Variants in GALK2 observed in about 807,000 individuals in gnomAD.
GALK2 encodes the protein N-acetylgalactosamine kinase.
GALK2 carries 36 observed loss-of-function variants against 52.4 expected under a neutral mutation model. That is an observed-to-expected ratio of 0.69 (90% CI 0.53 to 0.91). The LOEUF (loss-of-function observed/expected upper bound fraction) is 0.91, where lower values mean the gene tolerates loss of function less well. GALK2 is among the 40% of genes least tolerant of loss of function. The pLI, the probability that GALK2 is intolerant of heterozygous loss-of-function variation, is 0.00. For missense variants in GALK2, 579 were observed against 559.1 expected, an observed-to-expected ratio of 1.04 and a Z score of -0.36; for synonymous variants, 176 against 199.1, an observed-to-expected ratio of 0.88 and a Z score of 0.98.
At chr15:49,210,398 C>G (rs546793506) in intron 2 of GALK2, among the ~76,000 whole-genome samples, 93 of 148,012 alleles carry the variant, frequency 6.3e-4, no homozygotes, top group African/African-American at 2.1e-3. Flanking sequence ...AAATTTCTAC[C>G]TTTTTTTTTA....
At chr15:49,270,501 T>A (rs1177181574) in intron 5 of GALK2, among the ~76,000 whole-genome samples, 1 of 152,200 alleles carries the variant, frequency 6.6e-6, no homozygotes. Context: ...GGTGTTCACA[T>A]GACTCTTTCT....
intron 5 of GALK2, among the ~76,000 whole-genome samples, chr15:49,260,947 C>T (rs2092075417): frequency 1.3e-5 from 2 of 151,926 alleles, no homozygotes; most frequent in African/African-American, 4.8e-5. Flanking sequence ...GGTACCAGTA[C>T]CATGCTGTTT....
chr15:49,216,854 C>T (rs1231713693), intron 2 of GALK2, among the ~76,000 whole-genome samples: 1 of 152,194 alleles, frequency 6.6e-6, no homozygotes. Context: ...TTTCTCTGTC[C>T]ATGCTGGAAG....
rs913012905 is a variant in GALK2 at position 49,360,120 on chromosome 15, A to AG, written c.427-7369dup. Among the ~76,000 whole-genome samples the AG allele has an allele frequency of 2.0e-5, 3 of 150,478 alleles. 1 individual carries two copies. The highest frequency in any genetic ancestry group is 7.3e-5 in the African/African-American group (3 of 41,022). ...GGGGGGAGGGGGGAGGGATAGCATC[A>AG]GGAGATATACCTAATGCTGGATGAC... is the stretch of plus-strand genomic sequence containing the variant. On this transcript the variant is annotated intron_variant, in intron 3 of 3. Coordinates refer to the GALK2 transcript ENST00000558399.
intron 1 of GALK2, chr15:49,170,679 A>C (rs2085013119): frequency 6.2e-6 from 2 of 321,510 alleles, no homozygotes; most frequent in African/African-American, 2.2e-5. Context: ...GCCCATATCC[A>C]CACTGAACTC....
intron 5 of GALK2, among the ~76,000 whole-genome samples, chr15:49,258,200 A>G (rs2091896269): frequency 6.6e-6 from 1 of 152,140 alleles, no homozygotes. Flanking sequence ...AATTACTAAA[A>G]TGCAGTGCCT....
At position 49,338,539 on chromosome 15, in the gene GALK2, C is replaced by G. The variant is rs1047808616; in HGVS notation, c.426+18734C>G. On this transcript the variant is annotated intron_variant, in intron 3 of 3. Coordinates refer to the GALK2 transcript ENST00000558399. Reference sequence around the variant, plus strand: ...TCCCTTTGTGGGTAACCCAACCTTTCTCTCTGGCTGCCCTTAACATTTTTT... The same window carrying G: ...TCCCTTTGTGGGTAACCCAACCTTTGTCTCTGGCTGCCCTTAACATTTTTT... Among the ~76,000 whole-genome samples, 5 of 152,302 alleles carry G rather than the reference C, an allele frequency of 3.3e-5. No homozygotes were observed. The South Asian group carries it at 1.0e-3, about 32-fold the overall frequency.
chr15:49,190,818 T>C (rs888581735), intron 1 of GALK2, among the ~76,000 whole-genome samples: 7 of 152,208 alleles, frequency 4.6e-5, no homozygotes, highest in African/African-American at 1.7e-4. Context: ...TTCAGTTGTT[T>C]CTGTATGTCA....
chr15:49,357,754 T>G (rs570792554), intron 3 of GALK2, among the ~76,000 whole-genome samples: 2 of 152,260 alleles, frequency 1.3e-5, no homozygotes, highest in South Asian at 4.2e-4. Flanking sequence ...AGCATCATTC[T>G]GATACCAAAG....
chr15:49,328,981 G>A lies in GALK2; in HGVS notation c.*822G>A, dbSNP rs1002385708. 3.1e-5 allele frequency: 32 copies of A among 1,047,002 alleles called. No homozygotes were observed. The African/African-American group carries it at 5.0e-4, about 16-fold the overall frequency. 64.9% of individuals were successfully genotyped at this position (1,047,002 alleles called of 1,614,324 possible). A position where few individuals can be genotyped will look rare whatever the true frequency, so the allele number is the denominator to read the frequency against. ...AAAGAATTATCTAGATGATAATTCA[G>A]ATAATTCAGTTTGTTCATAGAATTA... is the stretch of plus-strand genomic sequence containing the variant. On this transcript the variant is annotated 3_prime_UTR_variant, in exon 10 of 10. Transcript: ENST00000560031.
intron 3 of GALK2, among the ~76,000 whole-genome samples, chr15:49,234,387 A>C (rs892737002): frequency 6.6e-6 from 1 of 152,190 alleles, no homozygotes; most frequent in African/African-American, 2.4e-5. Context: ...GGCATCTGTC[A>C]GATCTTTCTA....
intron 2 of GALK2, among the ~76,000 whole-genome samples, chr15:49,216,140 A>G (rs1170221599): frequency 6.6e-6 from 1 of 152,168 alleles, no homozygotes; most frequent in African/African-American, 2.4e-5. Context: ...GAGCACTTCC[A>G]TGGCTTCCAC....
intron 2 of GALK2, among the ~76,000 whole-genome samples, chr15:49,202,775 C>T (rs1234588089): frequency 6.6e-6 from 1 of 152,130 alleles, no homozygotes; most frequent in African/African-American, 2.4e-5. Flanking sequence ...GAGGAGCCTT[C>T]ATACTGTTTT....
intron 3 of GALK2, among the ~76,000 whole-genome samples, chr15:49,230,389 C>G (rs944379766): frequency 2.0e-5 from 3 of 152,204 alleles, no homozygotes; most frequent in Non-Finnish European, 4.4e-5. Flanking sequence ...CCTTTACCCA[C>G]GCTGAAGAGC....
intron 5 of GALK2, among the ~76,000 whole-genome samples, chr15:49,263,831 C>G (rs1286956135): frequency 8.3e-5 from 12 of 145,000 alleles, no homozygotes; most frequent in African/African-American, 3.1e-4. Context: ...ACTTATGAAG[C>G]TTAGTTTGGC....
In GALK2 at chr15:49,329,028, A is replaced by C. The variant is rs2038073811; in HGVS notation, c.*869A>C. ...ATTACTTTCTTATCACTCTTTTTCT[A>C]CTACTTTTTCTCAAATACCTCTCTA... On this transcript the variant is annotated 3_prime_UTR_variant, in exon 10 of 10. Coordinates refer to ENST00000560031, the MANE Select transcript of GALK2 (RefSeq NM_002044.4). 3 of 1,008,018 alleles carry C rather than the reference A, an allele frequency of 3.0e-6. No homozygotes were observed. Among genetic ancestry groups the C allele is most frequent in the Non-Finnish European group, 3.6e-6 (3 of 843,286 alleles). 62.4% of individuals were successfully genotyped at this position (1,008,018 alleles called of 1,614,324 possible).
intron 1 of GALK2, among the ~76,000 whole-genome samples, chr15:49,192,483 A>ATGTGTG (rs1263833607): frequency 3.1e-5 from 2 of 65,226 alleles, no homozygotes; most frequent in African/African-American, 1.2e-4. Flanking sequence ...TTATATATAT[A>ATGTGTG]TGTATATATA....
chr15:49,203,607 A>C (rs921965623), intron 2 of GALK2, among the ~76,000 whole-genome samples: 3 of 152,250 alleles, frequency 2.0e-5, no homozygotes, highest in South Asian at 2.1e-4. Flanking sequence ...GCCTAGACCA[A>C]TGTCTTGAAG....
rs149303193 is a variant in GALK2 at position 49,204,273 on chromosome 15, TTTCTTC to T, written c.142+3038_142+3043del. Among the ~76,000 whole-genome samples the T allele has an allele frequency of 4.6e-5, 7 of 151,934 alleles. No individual in the cohort carries two copies. In the South Asian group the frequency reaches 6.2e-4, roughly 14 times the overall value. On this transcript the variant is annotated intron_variant, in intron 2 of 9. Transcript: ENST00000560031. ...ATAGTGTGATGCCTCCAGCTTTTCTTTTCTTCTTCTTCTTCTTCTTTTATTTTTTTT... is the reference window on the plus strand; with the variant it reads ...ATAGTGTGATGCCTCCAGCTTTTCTTTTCTTCTTCTTCTTTTATTTTTTTT...
Sources: allele counts gnomAD v4.1 joint callset (sites outside exome capture counted in the v4.1 genomes callset), GRCh38; gene constraint gnomAD v4.1.1; transcripts MANE v1.5; gene names NCBI Gene and HGNC (gene_info 2026-07-23, HGNC 2026-07-21).